SYNPR: variants seen among roughly 807,000 people sequenced by gnomAD.
The protein encoded by SYNPR is synaptoporin.
A neutral mutation model predicts 32.9 loss-of-function variants in SYNPR; 23 were observed. That is an observed-to-expected ratio of 0.70 (90% confidence interval 0.50 to 0.99). The LOEUF is 0.99. Ranked by LOEUF, SYNPR falls within the 50% of genes least tolerant of loss-of-function variation. The pLI, the probability that SYNPR is intolerant of heterozygous loss-of-function variation, is 0.00. For missense variants in SYNPR, 318 were observed against 349.3 expected, an observed-to-expected ratio of 0.91 and a Z score of 0.71; for synonymous variants, 146 against 135.9, an observed-to-expected ratio of 1.07 and a Z score of -0.52.
At chr3:63,365,888 T>C (rs2087724099) in intron 2 of SYNPR, among the ~76,000 whole-genome samples, 2 of 152,198 alleles carry the variant, frequency 1.3e-5, no homozygotes, top group South Asian at 4.1e-4. Flanking sequence ...AGTCCATTAA[T>C]AGGGGCACAC....
At chr3:63,270,582 T>C (rs1471684844) in intron 3 of SYNPR, among the ~76,000 whole-genome samples, 2 of 152,198 alleles carry the variant, frequency 1.3e-5, no homozygotes, top group East Asian at 1.9e-4. Context: ...TTTTATACTT[T>C]GTACAGTTAG....
intron 3 of SYNPR, among the ~76,000 whole-genome samples, chr3:63,505,433 A>T (rs1327662116): frequency 6.6e-6 from 1 of 152,178 alleles, no homozygotes; most frequent in African/African-American, 2.4e-5. Context: ...AGAAGTAAAA[A>T]TATCTTACGG....
intron 3 of SYNPR, among the ~76,000 whole-genome samples, chr3:63,506,080 C>CCCTT (rs113121978): frequency 0.31 from 46,058 of 150,112 alleles, 8,658 homozygotes; most frequent in African/African-American, 0.54. Context: ...AGATGCTCCT[C>CCCTT]CCTTCCTTCC....
chr3:63,451,853 T>C (rs983227151), intron 2 of SYNPR, among the ~76,000 whole-genome samples: 3 of 152,174 alleles, frequency 2.0e-5, no homozygotes, highest in Non-Finnish European at 4.4e-5. Flanking sequence ...CTAATACATT[T>C]GATCAGAAAA....
At chr3:63,447,564 A>G (rs1700301088) in intron 2 of SYNPR, among the ~76,000 whole-genome samples, 1 of 152,158 alleles carries the variant, frequency 6.6e-6, no homozygotes, top group Non-Finnish European at 1.5e-5. Context: ...GTGTAAGAAA[A>G]TAAGTCAGTG....
intron 1 of SYNPR, among the ~76,000 whole-genome samples, chr3:63,245,867 G>T (rs925083363): frequency 4.0e-5 from 6 of 151,878 alleles, no homozygotes; most frequent in Admixed American, 1.3e-4. Flanking sequence ...ACAATGAACA[G>T]TCTGAATATT....
intron 2 of SYNPR, among the ~76,000 whole-genome samples, chr3:63,419,802 A>G (rs2107129751): frequency 6.6e-6 from 1 of 152,346 alleles, no homozygotes; most frequent in East Asian, 1.9e-4. Flanking sequence ...AGGATCAAAA[A>G]GGGCTCTTCT....
In SYNPR at chr3:63,505,497, A is replaced by G. The variant is rs182872339; in HGVS notation, c.209+24541A>G. Among the ~76,000 whole-genome samples the G allele has an allele frequency of 1.1e-3, 167 of 152,286 alleles. No homozygotes were observed. The Middle Eastern group carries it at 0.031, about 28-fold the overall frequency. On this transcript the variant is annotated intron_variant, in intron 3 of 5. Coordinates refer to ENST00000478300, the MANE Select transcript of SYNPR (RefSeq NM_001130003.2). ...TCTGGCCATGAAAATGGTCCCATCA[A>G]AGAAGGAATGCTTTTTGGAGCCAAG... is the stretch of plus-strand genomic sequence containing the variant.
At chr3:63,544,750 G>C (rs1200814907) in intron 3 of SYNPR, among the ~76,000 whole-genome samples, 1 of 151,974 alleles carries the variant, frequency 6.6e-6, no homozygotes, top group Non-Finnish European at 1.5e-5. Flanking sequence ...TTAGTAATCA[G>C]ACTTACACCT....
At chr3:63,474,362 C>T (rs1700860840) in intron 2 of SYNPR, among the ~76,000 whole-genome samples, 1 of 152,084 alleles carries the variant, frequency 6.6e-6, no homozygotes, top group Non-Finnish European at 1.5e-5. Context: ...GAGGACTGAC[C>T]CCATGAAGCT....
intron 2 of SYNPR, among the ~76,000 whole-genome samples, chr3:63,279,788 T>C (rs1416993279): frequency 6.6e-6 from 1 of 152,238 alleles, no homozygotes; most frequent in African/African-American, 2.4e-5. Flanking sequence ...CTGTGATGAT[T>C]GTTTACACGG....
chr3:63,331,641 C>T (rs920404380), intron 2 of SYNPR, among the ~76,000 whole-genome samples: 2 of 152,040 alleles, frequency 1.3e-5, no homozygotes, highest in African/African-American at 4.8e-5. Flanking sequence ...CATGCTAACA[C>T]TTTTACTTGA....
intron 2 of SYNPR, among the ~76,000 whole-genome samples, chr3:63,448,784 C>T (rs1700326835): frequency 6.6e-6 from 1 of 152,128 alleles, no homozygotes; most frequent in South Asian, 2.1e-4. Flanking sequence ...GAACTAAATG[C>T]CTTCATTTTT....
intron 1 of SYNPR, among the ~76,000 whole-genome samples, chr3:63,230,545 C>T (rs952789333): frequency 3.3e-5 from 5 of 152,142 alleles, no homozygotes; most frequent in African/African-American, 7.2e-5. Context: ...ATCCACATAG[C>T]GTTTGCTGAA....
intron 4 of SYNPR, among the ~76,000 whole-genome samples, chr3:63,596,469 T>C (rs1165153463): frequency 6.6e-6 from 1 of 151,790 alleles, no homozygotes; most frequent in Non-Finnish European, 1.5e-5. Flanking sequence ...GTTAACAGAG[T>C]GGTCAAGCCA....
chr3:63,322,286 G>C (rs1452603387), intron 2 of SYNPR, among the ~76,000 whole-genome samples: 1 of 152,074 alleles, frequency 6.6e-6, no homozygotes, highest in African/African-American at 2.4e-5. Flanking sequence ...AGAGGAGGAA[G>C]ACATACACAT....
chr3:63,508,010 G>A (rs1387050445), intron 3 of SYNPR, among the ~76,000 whole-genome samples: 2 of 152,046 alleles, frequency 1.3e-5, no homozygotes, highest in Non-Finnish European at 2.9e-5. Flanking sequence ...GTATTAAGAT[G>A]TTAACATTGT....
At position 63,336,672 on chromosome 3, in the gene SYNPR, T is replaced by A. The variant is rs2087299745; in HGVS notation, c.84+57930T>A. Among the ~76,000 whole-genome samples the A allele has an allele frequency of 4.1e-5, 6 of 147,790 alleles. No homozygotes were observed. The South Asian group carries it at 1.3e-3, about 32-fold the overall frequency. ...TTCTCAAAGACAACATAGAAAAAAA[T>A]CTAAGTGATCTTGGATTTGGTAATG... On this transcript the variant is annotated intron_variant, in intron 2 of 5. Coordinates refer to ENST00000478300, the MANE Select transcript of SYNPR (RefSeq NM_001130003.2).
chr3:63,318,728 A>G (rs2087072465), intron 2 of SYNPR, among the ~76,000 whole-genome samples: 1 of 152,002 alleles, frequency 6.6e-6, no homozygotes, highest in South Asian at 2.1e-4. Flanking sequence ...TGATTAGCTG[A>G]ATAGCTAACC....
Sources: allele counts gnomAD v4.1 joint callset (sites outside exome capture counted in the v4.1 genomes callset), GRCh38; gene constraint gnomAD v4.1.1; transcripts MANE v1.5; gene names NCBI Gene and HGNC (gene_info 2026-07-23, HGNC 2026-07-21).